CHCHD10: variants seen among roughly 807,000 people sequenced by gnomAD.
The protein encoded by CHCHD10 is coiled-coil-helix-coiled-coil-helix domain containing 10, also known as coiled-coil-helix-coiled-coil-helix domain-containing protein 10, mitochondrial.
A neutral mutation model predicts 14.8 loss-of-function variants in CHCHD10; 10 were observed. The observed-to-expected ratio is 0.67, with a 90% CI of 0.42 to 1.14. CHCHD10 has a LOEUF of 1.14. Among genes scored for constraint, CHCHD10 ranks in the 50% most tolerant of loss-of-function variants. The probability of loss-of-function intolerance (pLI) is 0.00; values close to 1 mark genes in which losing one functional copy is unlikely to be tolerated. For missense variants in CHCHD10, 203 were observed against 196.9 expected, an observed-to-expected ratio of 1.03 and a Z score of -0.19; for synonymous variants, 90 against 85.2, an observed-to-expected ratio of 1.06 and a Z score of -0.31.
At chr22:23,766,064 T>C in intron 3 of CHCHD10, 38 bp from the exon 4 acceptor site, 1 of 1,612,816 alleles carries the variant, frequency 6.2e-7, no homozygotes, top group Admixed American at 1.7e-5. Context: ...GTGGTCAGCC[T>C]GCAGGTGCAA....
intron 3 of CHCHD10, 30 bp downstream of exon 3, chr22:23,766,098 C>T (rs767830976): frequency 2.5e-6 from 4 of 1,613,284 alleles, no homozygotes; most frequent in East Asian, 2.2e-5. Flanking sequence ...CTCTCCCCCT[C>T]CCCGCCTGAG....
intron 3 of CHCHD10, 46 bp downstream of exon 3, chr22:23,766,082 G>T: frequency 1.2e-6 from 2 of 1,613,084 alleles, no homozygotes; most frequent in Non-Finnish European, 1.7e-6. Context: ...CAAGAGGAGG[G>T]TTGGCCTCTC....
At chr22:23,766,500 T>G (rs1601356221) in intron 2 of CHCHD10, 1 of 514,656 alleles carries the variant, frequency 1.9e-6, no homozygotes, top group Non-Finnish European at 3.4e-6. Context: ...TCACCTAGAG[T>G]GGAGTGCAGC....
rs1927003818 is a variant in CHCHD10 at position 23,767,942 on chromosome 22, C to G, written c.-68G>C. On this transcript the variant is annotated 5_prime_UTR_variant, in exon 1 of 4. Coordinates refer to ENST00000484558, the MANE Select transcript of CHCHD10 (RefSeq NM_213720.3). ...GCGGTGCTGTCGCGGGGACAAATGCCGCAGCGCTTGTCACAGCCGGCGCAA... is the reference window on the plus strand; with the variant it reads ...GCGGTGCTGTCGCGGGGACAAATGCGGCAGCGCTTGTCACAGCCGGCGCAA... The G allele has an allele frequency of 1.5e-6, 2 of 1,306,908 alleles. No homozygotes were observed. The highest frequency in any genetic ancestry group is 2.0e-6 in the Non-Finnish European group (2 of 990,342). 81.0% of individuals were successfully genotyped at this position (1,306,908 alleles called of 1,614,324 possible). A position where few individuals can be genotyped will look rare whatever the true frequency, so the allele number is the denominator to read the frequency against.
intron 2 of CHCHD10, 41 bp downstream of exon 2, chr22:23,767,333 G>A (rs997985425): frequency 3.9e-6 from 6 of 1,545,044 alleles, no homozygotes; most frequent in Non-Finnish European, 5.3e-6. Context: ...GTGTGGCCTC[G>A]AGATAATCCT....
At position 23,767,927 on chromosome 22, in the gene CHCHD10, C is replaced by A; in HGVS notation, c.-53G>T. 1 of 1,401,098 alleles carries A rather than the reference C, an allele frequency of 7.1e-7. No individual in the cohort carries two copies. The highest frequency in any genetic ancestry group is 9.4e-7 in the Non-Finnish European group (1 of 1,063,070). The allele number at this position is 1,401,098 out of a possible 1,614,324, so 86.8% of individuals were successfully genotyped here. Reference sequence around the variant, plus strand: ...TTAGAGACGGCGGCAGCGGTGCTGTCGCGGGGACAAATGCCGCAGCGCTTG... The same window carrying A: ...TTAGAGACGGCGGCAGCGGTGCTGTAGCGGGGACAAATGCCGCAGCGCTTG... On this transcript the variant is annotated 5_prime_UTR_variant, in exon 1 of 4. Coordinates refer to ENST00000484558, the MANE Select transcript of CHCHD10 (RefSeq NM_213720.3).
chr22:23,767,846 G>A lies in CHCHD10; in HGVS notation c.29C>T (p.Ser10Phe). 1.3e-6 allele frequency: 2 copies of A among 1,522,290 alleles called. No homozygotes were observed. The highest frequency in any genetic ancestry group is 1.8e-6 in the Non-Finnish European group (2 of 1,135,710). 94.3% of individuals were successfully genotyped at this position (1,522,290 alleles called of 1,614,324 possible). The change falls in exon 1 of 4, where the codon TCC becomes TTC. Residue 10 changes from serine (S) to phenylalanine (F), a missense_variant. Coordinates refer to ENST00000484558, the MANE Select transcript of CHCHD10 (RefSeq NM_213720.3). ...GTCCCCCTCACACCTGGCTGGCCGG[G>A]AGGCCGCGCTGCGGCTTCCCCGAGG... MPRGSRSAA[S>F]RPASRPAAPS... is the part of the protein sequence containing the mutation.
intron 2 of CHCHD10, among the ~76,000 whole-genome samples, chr22:23,767,170 G>A (rs556639072): frequency 1.3e-5 from 2 of 152,314 alleles, no homozygotes; most frequent in Admixed American, 1.3e-4. Context: ...GGAGCTTAGG[G>A]ACCCTGGCCT....
chr22:23,767,744 G>A, intron 1 of CHCHD10, 90 bp downstream of exon 1: 7 of 1,181,536 alleles, frequency 5.9e-6, no homozygotes, highest in Non-Finnish European at 8.4e-6. Flanking sequence ...AGATGGCGCA[G>A]CAGCAGCCAA....
Position 23,767,919 on chromosome 22 carries a change from G to A in CHCHD10, c.-45C>T, listed in dbSNP as rs922646005. ...GGGCGACCTTAGAGACGGCGGCAGC[G>A]GTGCTGTCGCGGGGACAAATGCCGC... On this transcript the variant is annotated 5_prime_UTR_variant, in exon 1 of 4. Coordinates refer to ENST00000484558, the MANE Select transcript of CHCHD10 (RefSeq NM_213720.3). 7.0e-7 allele frequency: 1 copy of A among 1,432,060 alleles called. No individual in the cohort carries two copies. Among genetic ancestry groups the A allele is most frequent in the Non-Finnish European group, 9.2e-7 (1 of 1,084,258 alleles). 88.7% of individuals were successfully genotyped at this position (1,432,060 alleles called of 1,614,324 possible).
chr22:23,765,895 ACCT>A lies in CHCHD10; in HGVS notation c.*109_*111del. The A allele has an allele frequency of 1.9e-6, 3 of 1,575,104 alleles. No homozygotes were observed. The highest frequency in any genetic ancestry group is 2.3e-5 in the East Asian group (1 of 44,380). On this transcript the variant is annotated 3_prime_UTR_variant, in exon 4 of 4. Transcript: ENST00000484558. ...TCTTGGGTTATCTGTGGGGTGAGAAACCTCCTCACTTCCAATCCCAGCTATCTG... is the reference window on the plus strand; with the variant it reads ...TCTTGGGTTATCTGTGGGGTGAGAAACCTCACTTCCAATCCCAGCTATCTG...
Position 23,765,986 on chromosome 22 carries a change from C to T in CHCHD10, c.*21G>A, listed in dbSNP as rs771780537. ...GGTAGAGGTGGGTGCAGGACTGGCC[C>T]CCGAGTCTGCACCGACCTCTTCAGG... On this transcript the variant is annotated 3_prime_UTR_variant, in exon 4 of 4. Transcript: ENST00000484558. The T allele has an allele frequency of 5.0e-5, 80 of 1,613,202 alleles. No individual in the cohort carries two copies. In the Middle Eastern group the frequency reaches 2.3e-3, roughly 46 times the overall value.
At chr22:23,766,939 G>A (rs142121646) in intron 2 of CHCHD10, among the ~76,000 whole-genome samples, 12 of 152,326 alleles carry the variant, frequency 7.9e-5, no homozygotes, top group South Asian at 2.1e-4. Flanking sequence ...TTTGGCTTAC[G>A]GCGGTGGGGT....
Position 23,767,415 on chromosome 22 carries a change from T to G in CHCHD10, c.220A>C (p.Ser74Arg). ...TGGGAGGGCTCCGAGCTCCCCCCGC[T>G]GAAGGCTCCGGTCAGGGCGCTGCCC... ...VMGSALTGAF[S>R]GGSSEPSQPA... is the part of the protein sequence containing the mutation. Residue 74 changes from serine to arginine, a missense_variant, in exon 2 of 4, where the codon AGC (serine) becomes CGC (arginine). Physicochemically the swap from Ser to Arg is moderately radical, Grantham distance 110 (BLOSUM62 -1). Transcript: ENST00000484558. 1.2e-6 allele frequency: 2 copies of G among 1,607,728 alleles called. No individual in the cohort carries two copies. The highest frequency in any genetic ancestry group is 1.7e-6 in the Non-Finnish European group (2 of 1,178,764).
intron 2 of CHCHD10, among the ~76,000 whole-genome samples, chr22:23,766,881 C>T (rs1926872333): frequency 6.6e-6 from 1 of 152,212 alleles, no homozygotes; most frequent in Non-Finnish European, 1.5e-5. Flanking sequence ...ACCTTCCTGG[C>T]TCAGCTACAC....
chr22:23,766,112 G>A lies in CHCHD10; in HGVS notation c.409+16C>T, dbSNP rs751102532. On this transcript the variant is annotated intron_variant, in intron 3 of 3. Coordinates refer to ENST00000484558, the MANE Select transcript of CHCHD10 (RefSeq NM_213720.3). ...CCTCTCCCCCTCCCCGCCTGAGTCGGGGTCCACTCACTCACCATGGTAGTA... is the reference window on the plus strand; with the variant it reads ...CCTCTCCCCCTCCCCGCCTGAGTCGAGGTCCACTCACTCACCATGGTAGTA... 1.2e-6 allele frequency: 2 copies of A among 1,613,332 alleles called. No homozygotes were observed. The highest frequency in any genetic ancestry group is 2.2e-5 in the East Asian group (1 of 44,866).
rs533095236 is a variant in CHCHD10, at chr22:23,766,282, G to T, written c.262-7C>A. The T allele has an allele frequency of 6.5e-7, 1 of 1,545,346 alleles. No homozygotes were observed. Among genetic ancestry groups the T allele is most frequent in the Non-Finnish European group, 8.7e-7 (1 of 1,145,676 alleles). On this transcript the variant is annotated splice_region_variant and splice_polypyrimidine_tract_variant and intron_variant, in intron 2 of 3. Coordinates refer to ENST00000484558, the MANE Select transcript of CHCHD10 (RefSeq NM_213720.3). ...GGGCAGCGGGGGTGGGGGCCTGGGG[G>T]TACAGTGCAAGAGGCTGCAGGATCA...
chr22:23,767,707 G>A (rs1249080978), intron 1 of CHCHD10, 114 bp from the exon 2 acceptor site: 2 of 932,162 alleles, frequency 2.1e-6, no homozygotes, highest in Non-Finnish European at 3.2e-6. Flanking sequence ...ACACGTGGGT[G>A]CTGCACCCCC....
chr22:23,767,128 A>C (rs1425002610), intron 2 of CHCHD10, among the ~76,000 whole-genome samples: 1 of 152,122 alleles, frequency 6.6e-6, no homozygotes, highest in Non-Finnish European at 1.5e-5. Context: ...TGGGTTTCCC[A>C]TCTTTAAAGG....
Sources: gnomAD v4.1 joint callset for allele counts (sites outside exome capture counted in the v4.1 genomes callset) on GRCh38, gnomAD v4.1.1 for gene constraint, MANE v1.5 for transcripts, NCBI Gene and HGNC (gene_info 2026-07-23, HGNC 2026-07-21) for gene names.